ZNF548: variants seen among roughly 807,000 people sequenced by gnomAD.
ZNF548 encodes zinc finger protein 548.
In ZNF548, 10 loss-of-function variants were observed where a neutral mutation model predicts 10.2. The ratio of observed to expected loss-of-function variants is 0.98; its 90% CI spans 0.60 to 1.66. ZNF548 has a LOEUF of 1.66. Among genes scored for constraint, ZNF548 ranks in the 40% most tolerant of loss-of-function variants. The pLI, the probability that ZNF548 is intolerant of heterozygous loss-of-function variation, is 0.00. For synonymous variants in ZNF548, 217 were observed against 223.5 expected (o/e 0.97, Z 0.26); for missense variants, 599 against 657.0 (o/e 0.91, Z 0.97).
Position 57,399,175 on chromosome 19 carries a change from T to G in ZNF548, c.924T>G (p.Phe308Leu). 3 of 1,613,516 alleles carry G rather than the reference T, an allele frequency of 1.9e-6. No individual in the cohort carries two copies. The highest frequency in any genetic ancestry group is 2.5e-6 in the Non-Finnish European group (3 of 1,179,878). ...AATTCTTTCGGTACAGCTCCACATT[T>G]GTTAGACATCAGAGAGTTCACACCG... The part of the protein sequence containing the change: ...CGKFFRYSST[F>L]VRHQRVHTGE... Residue 308 changes from phenylalanine (F) to leucine (L), a missense_variant, in exon 4 of 4, where the codon TTT (phenylalanine) becomes TTG (leucine). By Grantham distance (22) the Phe-to-Leu change is conservative (BLOSUM62 0). Transcript: ENST00000336128. This position sits in a 1 kb window ranked among gnomAD's most constrained non-coding sequence, Gnocchi z 4.0.
chr19:57,399,645 A>T lies in ZNF548; in HGVS notation c.1394A>T (p.Glu465Val). Residue 465 changes from glutamate (E) to valine (V), a missense_variant, in exon 4 of 4, where the codon GAG (glutamate) becomes GTG (valine). Coordinates refer to ENST00000336128, the MANE Select transcript of ZNF548 (RefSeq NM_001172773.2). The surrounding 1 kb of genome is among the most constrained non-coding windows in gnomAD (Gnocchi z 4.0). ...HTGERPYECRECGKAFSHKHI... is the reference protein window; with the variant it reads ...HTGERPYECRVCGKAFSHKHI... ...GGAGAAAGGCCTTACGAGTGCAGAG[A>T]GTGTGGGAAAGCCTTTAGCCACAAG... 1 of 1,614,110 alleles carries T rather than the reference A, an allele frequency of 6.2e-7. No individual in the cohort carries two copies. The highest frequency in any genetic ancestry group is 8.5e-7 in the Non-Finnish European group (1 of 1,179,988).
rs1400229205 is a variant in ZNF548, at chr19:57,401,210, T to C, written c.*1321T>C. ...GATGAAATTTTAAGTTTTGATGTACTGTTGACTCTTTCTGTCTGTGGGTTC... is the reference window on the plus strand; with the variant it reads ...GATGAAATTTTAAGTTTTGATGTACCGTTGACTCTTTCTGTCTGTGGGTTC... On this transcript the variant is annotated 3_prime_UTR_variant, in exon 4 of 4. Coordinates refer to ENST00000336128, the MANE Select transcript of ZNF548 (RefSeq NM_001172773.2). 1 of 152,216 alleles carries C rather than the reference T, an allele frequency of 6.6e-6. No homozygotes were observed. The highest frequency in any genetic ancestry group is 1.5e-5 in the Non-Finnish European group (1 of 68,044). 9.4% of individuals were successfully genotyped at this position (152,216 alleles called of 1,614,324 possible).
intron 1 of ZNF548, among the ~76,000 whole-genome samples, chr19:57,391,338 T>C (rs1270158711): frequency 6.6e-6 from 1 of 151,806 alleles, no homozygotes; most frequent in African/African-American, 2.4e-5. Flanking sequence ...ACCTTGTGTA[T>C]ATATATGCCA....
rs781564783 is a variant in ZNF548, at chr19:57,402,661, G to A, written c.*2772G>A. The A allele has an allele frequency of 6.6e-6, 1 of 152,216 alleles. No individual in the cohort carries two copies. Among genetic ancestry groups the A allele is most frequent in the Non-Finnish European group, 1.5e-5 (1 of 68,048 alleles). The allele number at this position is 152,216 out of a possible 1,614,324, so 9.4% of individuals were successfully genotyped here. On this transcript the variant is annotated 3_prime_UTR_variant, in exon 4 of 4. Transcript: ENST00000336128. ...GCATAACCTCATTTCGTGCCAGCAT[G>A]TTCACCCTAGAGAAAAGTAGAAGTG...
At position 57,399,856 on chromosome 19, in the gene ZNF548, C is replaced by T. The variant is rs751107837; in HGVS notation, c.1605C>T (p.Ile535=). The T allele has an allele frequency of 1.2e-6, 2 of 1,605,664 alleles. No homozygotes were observed. Among genetic ancestry groups the T allele is most frequent in the African/African-American group, 2.7e-5 (2 of 74,716 alleles). The change falls in exon 4 of 4, where the codon ATC becomes ATT. Residue 535 remains isoleucine (I), a synonymous_variant. Coordinates refer to ENST00000336128, the MANE Select transcript of ZNF548 (RefSeq NM_001172773.2). This position sits in a 1 kb window ranked among gnomAD's most constrained non-coding sequence, Gnocchi z 4.0. ...SLAKTPTSLN[I]RDFTMEKVYH ...CTAAAACTCCAACCTCATTAAACAT[C>T]AGAGATTTCACAATGGAGAAAGTTT...
In ZNF548 at chr19:57,399,586, C is replaced by T. The variant is rs766674643; in HGVS notation, c.1335C>T (p.Asn445=). The part of the protein sequence containing the change: ...CSECGKFFRY[N]SNLIKHWRNH... ...AATGCGGGAAATTCTTTCGTTACAACTCCAACCTCATTAAACATTGGAGAA... is the reference window on the plus strand; with the variant it reads ...AATGCGGGAAATTCTTTCGTTACAATTCCAACCTCATTAAACATTGGAGAA... Residue 445 remains asparagine, a synonymous_variant, in exon 4 of 4, where the codon AAC becomes AAT. Coordinates refer to ENST00000336128, the MANE Select transcript of ZNF548 (RefSeq NM_001172773.2). This position sits in a 1 kb window ranked among gnomAD's most constrained non-coding sequence, Gnocchi z 4.0. The T allele has an allele frequency of 8.7e-6, 14 of 1,613,966 alleles. No homozygotes were observed. The highest frequency in any genetic ancestry group is 3.3e-5 in the Admixed American group (2 of 59,994).
At chr19:57,393,925 C>T (rs2123039640) in intron 1 of ZNF548, 1 of 569,574 alleles carries the variant, frequency 1.8e-6, no homozygotes, top group African/African-American at 1.9e-5. Flanking sequence ...ATATATAGTA[C>T]ATGCTACTGA....
Sources: gnomAD v4.1 joint callset for allele counts (sites outside exome capture counted in the v4.1 genomes callset) on GRCh38, gnomAD v4.1.1 for gene constraint, Gnocchi (gnomAD v3.1) non-coding constraint, MANE v1.5 for transcripts, NCBI Gene and HGNC (gene_info 2026-07-23, HGNC 2026-07-21) for gene names.